HIVEP2: variants seen among roughly 807,000 people sequenced by gnomAD.
HIVEP2 encodes HIVEP zinc finger 2.
HIVEP2 carries 14 observed loss-of-function variants against 180.7 expected under a neutral mutation model. That is an observed-to-expected ratio of 0.08 (90% confidence interval 0.05 to 0.12). The LOEUF (loss-of-function observed/expected upper bound fraction) is 0.12. HIVEP2 is among the 10% of genes least tolerant of loss of function. The pLI is 1.00. For synonymous variants in HIVEP2, 1,184 were observed against 1,136.4 expected (o/e 1.04, Z -0.84); for missense variants, 2,579 against 3,008.5 (o/e 0.86, Z 3.34).
At chr6:142,906,273 GT>G (rs1409056446) in intron 1 of HIVEP2, among the ~76,000 whole-genome samples, 2 of 152,124 alleles carry the variant, frequency 1.3e-5, no homozygotes, top group Non-Finnish European at 2.9e-5. Context: ...TCATTTAAAT[GT>G]GCAAAATAAC....
At position 142,772,422 on chromosome 6, in the gene HIVEP2, C is replaced by A. The variant is rs776157393; in HGVS notation, c.2317G>T (p.Val773Leu). The A allele has an allele frequency of 1.2e-5, 19 of 1,614,122 alleles. No individual in the cohort carries two copies. Among genetic ancestry groups the A allele is most frequent in the Admixed American group, 3.3e-5 (2 of 60,014 alleles). ...PQLQPGSPSL[V>L]SEESPSAIDS... ...ATGGCTGAAGGTGACTCCTCTGACACAAGAGATGGACTTCCAGGCTGCAGT... is the reference window on the plus strand; with the variant it reads ...ATGGCTGAAGGTGACTCCTCTGACAAAAGAGATGGACTTCCAGGCTGCAGT... The change falls in exon 5 of 10, where the codon GTG becomes TTG. Residue 773 changes from valine (V) to leucine (L), a missense_variant. Transcript: ENST00000367603. The surrounding 1 kb of genome is among the most constrained non-coding windows in gnomAD (Gnocchi z 4.9).
chr6:142,937,556 C>G (rs150313991), intron 1 of HIVEP2, among the ~76,000 whole-genome samples: 1 of 152,122 alleles, frequency 6.6e-6, no homozygotes, highest in Non-Finnish European at 1.5e-5. Context: ...GACTTCAAAT[C>G]GAGGTTCTTA....
intron 1 of HIVEP2, among the ~76,000 whole-genome samples, chr6:142,928,746 C>T (rs1222762191): frequency 6.6e-6 from 1 of 152,124 alleles, no homozygotes; most frequent in African/African-American, 2.4e-5. Flanking sequence ...CTGAAATCTC[C>T]ACTCAGTTCA....
rs1280358961 is a variant in HIVEP2 at position 142,772,973 on chromosome 6, A to G, written c.1766T>C (p.Met589Thr). The change falls in exon 5 of 10, where the codon ATG (methionine) becomes ACG (threonine). Residue 589 changes from methionine to threonine, a missense_variant. Around this residue, in one of 11 missense-constraint regions of HIVEP2, gnomAD observed 524 missense variants for 563.6 expected, o/e 0.93. Transcript: ENST00000367603. The surrounding 1 kb of genome is among the most constrained non-coding windows in gnomAD (Gnocchi z 4.9). ...PGTVGIPPQR[M>T]LRRQAAFELP... is the part of the protein sequence containing the mutation. ...CTCAAATGCCGCTTGTCTTCTTAGCATGCGCTGAGGGGGTATGCCCACGGT... is the reference window on the plus strand; with the variant it reads ...CTCAAATGCCGCTTGTCTTCTTAGCGTGCGCTGAGGGGGTATGCCCACGGT... 1 of 1,614,176 alleles carries G rather than the reference A, an allele frequency of 6.2e-7. No homozygotes were observed. Among genetic ancestry groups the G allele is most frequent in the Admixed American group, 1.7e-5 (1 of 60,030 alleles).
chr6:142,831,080 C>T lies in HIVEP2; in HGVS notation c.-528+5855G>A, dbSNP rs1045542291. On this transcript the variant is annotated intron_variant, in intron 2 of 9. Transcript: ENST00000367603. ...GCCAGATCCAGGCCTGATGCCCTTG[C>T]GTGCCTGGGATCCAGGGACAATTCT... 5.9e-5 allele frequency among the ~76,000 whole-genome samples: 9 copies of T among 152,318 alleles called. 2 individuals are homozygous for T. The highest frequency in any genetic ancestry group is 1.9e-4 in the East Asian group (1 of 5,178).
chr6:142,900,743 T>A (rs1479511774), intron 1 of HIVEP2, among the ~76,000 whole-genome samples: 2 of 152,042 alleles, frequency 1.3e-5, no homozygotes, highest in Non-Finnish European at 2.9e-5. Flanking sequence ...AAGACCAGAG[T>A]GCAGCTGATG....
At chr6:142,858,361 G>A (rs1775882249) in intron 1 of HIVEP2, among the ~76,000 whole-genome samples, 1 of 151,542 alleles carries the variant, frequency 6.6e-6, no homozygotes, top group Non-Finnish European at 1.5e-5. Flanking sequence ...TTAACACACA[G>A]GCATGAGTGC....
At chr6:142,810,708 G>C (rs1739448637) in intron 2 of HIVEP2, among the ~76,000 whole-genome samples, 1 of 146,588 alleles carries the variant, frequency 6.8e-6, no homozygotes, top group Non-Finnish European at 1.5e-5. Context: ...GTTGCAGTGA[G>C]CTAAGATCGC....
rs201805399 is a variant in HIVEP2, at chr6:142,773,569, C to T, written c.1170G>A (p.Pro390=). ...DSEPSLNLLS[P]HSKGSTDSGY... is the part of the protein sequence containing the mutation. ...CAGAATCAGTGCTTCCTTTACTGTG[C>T]GGGCTCAGAAGGTTGAGCGATGGCT... Residue 390 remains proline, a synonymous_variant, in exon 5 of 10, where the codon CCG becomes CCA. Coordinates refer to ENST00000367603, the MANE Select transcript of HIVEP2 (RefSeq NM_006734.4). 603 of 1,614,170 alleles carry T rather than the reference C, an allele frequency of 3.7e-4. 2 individuals are homozygous for T. The highest frequency in any genetic ancestry group is 4.7e-4 in the Non-Finnish European group (559 of 1,180,006).
At chr6:142,823,395 T>G (rs1368049097) in intron 2 of HIVEP2, among the ~76,000 whole-genome samples, 9 of 152,220 alleles carry the variant, frequency 5.9e-5, no homozygotes, top group African/African-American at 2.2e-4. Flanking sequence ...CCAATCTCTT[T>G]GCACCAGTCA....
intron 2 of HIVEP2, among the ~76,000 whole-genome samples, chr6:142,784,881 C>T (rs915924175): frequency 6.6e-6 from 1 of 151,984 alleles, no homozygotes; most frequent in Non-Finnish European, 1.5e-5. Context: ...TTAACTATAT[C>T]TCTATCTATC....
chr6:142,838,373 C>T (rs530372251), intron 1 of HIVEP2, among the ~76,000 whole-genome samples: 1 of 152,228 alleles, frequency 6.6e-6, no homozygotes, highest in East Asian at 1.9e-4. Flanking sequence ...TTCCAGGGTT[C>T]TTGCCATAAA....
In HIVEP2 at chr6:142,917,752, C is replaced by T. The variant is rs146992280; in HGVS notation, c.-641+27347G>A. ...CAGATAAAGAAAGTAGCTTCACACACCTTCTCAAAATCATAATATGCTTCT... is the reference window on the plus strand; with the variant it reads ...CAGATAAAGAAAGTAGCTTCACACATCTTCTCAAAATCATAATATGCTTCT... On this transcript the variant is annotated intron_variant, in intron 1 of 9. Coordinates refer to ENST00000367603, the MANE Select transcript of HIVEP2 (RefSeq NM_006734.4). Among the ~76,000 whole-genome samples the T allele has an allele frequency of 5.9e-5, 9 of 152,210 alleles. No homozygotes were observed. The East Asian group carries it at 1.5e-3, about 26-fold the overall frequency.
At chr6:142,860,345 G>T (rs141462872) in intron 1 of HIVEP2, among the ~76,000 whole-genome samples, 14 of 152,224 alleles carry the variant, frequency 9.2e-5, no homozygotes, top group African/African-American at 3.1e-4. Context: ...TACAACAGTG[G>T]TCCCCAACCT....
At chr6:142,887,298 C>T (rs542244940) in intron 1 of HIVEP2, among the ~76,000 whole-genome samples, 16 of 151,714 alleles carry the variant, frequency 1.1e-4, no homozygotes, top group Admixed American at 2.0e-4. Flanking sequence ...GAGACATATT[C>T]CTATTTGCCA....
In HIVEP2 at chr6:142,771,701, G is replaced by A. The variant is rs766764606; in HGVS notation, c.3038C>T (p.Ser1013Leu). The change falls in exon 5 of 10, where the codon TCA becomes TTA. Residue 1013 changes from serine to leucine, a missense_variant. Transcript: ENST00000367603. The surrounding 1 kb of genome is among the most constrained non-coding windows in gnomAD (Gnocchi z 5.4). ...ATGGCCTGGGACAGACAATGAGTAT[G>A]AACCAGCAGGGACAGTCAGAAACTC... ...HSEFLTVPAG[S>L]YSLSVPGHHH... The A allele has an allele frequency of 3.1e-6, 5 of 1,614,088 alleles. No individual in the cohort carries two copies. In the Admixed American group the frequency reaches 8.3e-5, roughly 27 times the overall value.
chr6:142,785,374 T>G (rs1270333763), intron 2 of HIVEP2, among the ~76,000 whole-genome samples: 2 of 140,808 alleles, frequency 1.4e-5, no homozygotes, highest in Non-Finnish European at 3.1e-5. Context: ...TGAGTTATTT[T>G]GTACTCCAAG....
intron 2 of HIVEP2, among the ~76,000 whole-genome samples, chr6:142,816,082 T>A (rs1329850055): frequency 1.3e-5 from 2 of 152,194 alleles, no homozygotes; most frequent in Non-Finnish European, 2.9e-5. Context: ...TAAACATCAA[T>A]TAAGTGCTAC....
intron 3 of HIVEP2, among the ~76,000 whole-genome samples, chr6:142,780,134 T>C (rs1241664694): frequency 1.3e-5 from 2 of 152,234 alleles, no homozygotes; most frequent in African/African-American, 4.8e-5. Flanking sequence ...ATTAACTCAA[T>C]TATGCAAATA....
Sources: gnomAD v4.1 joint callset for allele counts (sites outside exome capture counted in the v4.1 genomes callset) on GRCh38, gnomAD v4.1.1 for gene constraint, gnomAD v4.1.1 regional missense constraint, Gnocchi (gnomAD v3.1) non-coding constraint, MANE v1.5 for transcripts, NCBI Gene and HGNC (gene_info 2026-07-23, HGNC 2026-07-21) for gene names.